Variants in SLC16A12 observed in about 807,000 individuals in gnomAD.
The protein encoded by SLC16A12 is monocarboxylate transporter 12.
A neutral mutation model predicts 42.4 loss-of-function variants in SLC16A12; 17 were observed. The ratio of observed to expected loss-of-function variants is 0.40; its 90% CI spans 0.27 to 0.60. SLC16A12 has a LOEUF of 0.60. SLC16A12 is among the 20% of genes least tolerant of loss of function. The pLI is 0.42. For missense variants in SLC16A12, 544 were observed against 623.0 expected (o/e 0.87, Z 1.35); for synonymous variants, 224 against 229.4 (o/e 0.98, Z 0.21).
At chr10:89,449,820 C>T (rs531823287) in intron 3 of SLC16A12, among the ~76,000 whole-genome samples, 31 of 152,310 alleles carry the variant, frequency 2.0e-4, no homozygotes, top group Non-Finnish European at 1.6e-4. Flanking sequence ...AGTGAACAGG[C>T]AACCTGCAGA....
At chr10:89,501,962 T>C (rs2133823042) in intron 2 of SLC16A12, among the ~76,000 whole-genome samples, 1 of 152,236 alleles carries the variant, frequency 6.6e-6, no homozygotes, top group South Asian at 2.1e-4. Flanking sequence ...AATTCCCCAA[T>C]AAATACCTAT....
intron 2 of SLC16A12, among the ~76,000 whole-genome samples, chr10:89,489,834 GA>G (rs1411820703): frequency 6.6e-6 from 1 of 151,976 alleles, no homozygotes; most frequent in African/African-American, 2.4e-5. Flanking sequence ...CAAATATGAT[GA>G]AAAAAGGTAT....
chr10:89,438,878 C>A lies in SLC16A12; in HGVS notation c.754G>T (p.Val252Leu). 6.2e-7 allele frequency: 1 copy of A among 1,612,606 alleles called. No individual in the cohort carries two copies. Among genetic ancestry groups the A allele is most frequent in the Non-Finnish European group, 8.5e-7 (1 of 1,179,428 alleles). ...CRTQKEDIKR[V>L]SPYSSLTKEW... ...TTGGTCAAAGATGAATAGGGAGACA[C>A]CCGCTTAATGTCTTCTTTCTGAGTT... Residue 252 changes from valine to leucine, a missense_variant, in exon 6 of 8, where the codon GTG (valine) becomes TTG (leucine). Val to Leu is a conservative substitution (Grantham distance 32, BLOSUM62 1). Coordinates refer to ENST00000371790, the MANE Select transcript of SLC16A12 (RefSeq NM_213606.4).
chr10:89,482,236 CAAA>C (rs368466973), intron 2 of SLC16A12, among the ~76,000 whole-genome samples: 2 of 106,520 alleles, frequency 1.9e-5, no homozygotes, highest in Admixed American at 1.0e-4. Context: ...AAGAATACAC[CAAA>C]AAAAAAAAAA....
At chr10:89,439,727 T>C (rs1224842052) in intron 5 of SLC16A12, among the ~76,000 whole-genome samples, 1 of 152,118 alleles carries the variant, frequency 6.6e-6, no homozygotes, top group Non-Finnish European at 1.5e-5. Context: ...TGTGAAAATA[T>C]CTCTTAAGGT....
chr10:89,498,262 G>A (rs1391965651), intron 2 of SLC16A12, among the ~76,000 whole-genome samples: 1 of 152,260 alleles, frequency 6.6e-6, no homozygotes, highest in South Asian at 2.1e-4. Flanking sequence ...AGCCCAGAAG[G>A]TCAAGGCTGT....
chr10:89,529,328 C>A (rs1843503551), intron 2 of SLC16A12, among the ~76,000 whole-genome samples: 4 of 151,690 alleles, frequency 2.6e-5, no homozygotes, highest in Admixed American at 2.6e-4. Flanking sequence ...GTCAAATAAA[C>A]CACAAAATGA....
chr10:89,526,293 T>C (rs554196150), intron 2 of SLC16A12, among the ~76,000 whole-genome samples: 1 of 152,332 alleles, frequency 6.6e-6, no homozygotes, highest in East Asian at 1.9e-4. Context: ...TAGCCCAGCA[T>C]AGCTATTCCC....
At chr10:89,445,944 G>T (rs1001386489) in intron 3 of SLC16A12, among the ~76,000 whole-genome samples, 5 of 152,128 alleles carry the variant, frequency 3.3e-5, no homozygotes, top group African/African-American at 1.2e-4. Context: ...CATGGTATGA[G>T]AACTACGTGA....
chr10:89,502,698 T>C lies in SLC16A12; in HGVS notation c.-47+31803A>G, dbSNP rs148953180. Among the ~76,000 whole-genome samples the C allele has an allele frequency of 2.3e-3, 345 of 152,322 alleles. 1 individual carries two copies. The highest frequency in any genetic ancestry group is 7.9e-3 in the African/African-American group (330 of 41,566). On this transcript the variant is annotated intron_variant, in intron 2 of 7. Transcript: ENST00000371790. The stretch of plus-strand genomic sequence containing the variant: ...TCTTGGCTGCACATGTGTCGGACAC[T>C]GCTAAAGTCAACACCCCTTCCATAA...
chr10:89,543,102 G>A (rs948978918), intron 2 of SLC16A12, among the ~76,000 whole-genome samples: 2 of 152,150 alleles, frequency 1.3e-5, no homozygotes, highest in African/African-American at 2.4e-5. Context: ...CCCTTGAAAG[G>A]CATTTACAAA....
chr10:89,458,557 G>A (rs181167224), intron 3 of SLC16A12, among the ~76,000 whole-genome samples: 38 of 152,210 alleles, frequency 2.5e-4, no homozygotes, highest in Admixed American at 6.5e-4. Flanking sequence ...TTCTACCACC[G>A]GAAGGTATTT....
upstream of SLC16A12, among the ~76,000 whole-genome samples, chr10:89,536,762 T>C (rs1285166642): frequency 6.6e-6 from 1 of 152,158 alleles, no homozygotes; most frequent in Non-Finnish European, 1.5e-5. Flanking sequence ...CGGATCAGAA[T>C]CTGCATTTTT....
Position 89,462,373 on chromosome 10 carries a change from A to G in SLC16A12, c.200+6T>C, listed in dbSNP as rs780206593. ...CTTAATAAGTTAAGAAGAAAATCCTACCTACCTTGTGACTGCCCGTGTGCA... is the reference window on the plus strand; with the variant it reads ...CTTAATAAGTTAAGAAGAAAATCCTGCCTACCTTGTGACTGCCCGTGTGCA... On this transcript the variant is annotated splice_donor_region_variant and intron_variant, in intron 3 of 7. Coordinates refer to ENST00000371790, the MANE Select transcript of SLC16A12 (RefSeq NM_213606.4). The G allele has an allele frequency of 1.9e-6, 3 of 1,613,988 alleles. No homozygotes were observed. The highest frequency in any genetic ancestry group is 2.2e-5 in the East Asian group (1 of 44,878).
At chr10:89,519,190 A>G (rs1218097389) in intron 2 of SLC16A12, among the ~76,000 whole-genome samples, 1 of 152,144 alleles carries the variant, frequency 6.6e-6, no homozygotes, top group African/African-American at 2.4e-5. Flanking sequence ...TGCCACAAAA[A>G]TGGGAACAAA....
At chr10:89,491,970 A>T (rs144052810) in intron 2 of SLC16A12, among the ~76,000 whole-genome samples, 3 of 152,352 alleles carry the variant, frequency 2.0e-5, no homozygotes, top group Non-Finnish European at 2.9e-5. Flanking sequence ...AAAGTATGCA[A>T]GTCATCTCCA....
At chr10:89,502,373 C>A (rs2133823667) in intron 2 of SLC16A12, among the ~76,000 whole-genome samples, 1 of 152,092 alleles carries the variant, frequency 6.6e-6, no homozygotes, top group African/African-American at 2.4e-5. Flanking sequence ...TTGCTTGAAC[C>A]CAGGAGGCAG....
At chr10:89,470,646 A>C (rs1842477256) in intron 2 of SLC16A12, among the ~76,000 whole-genome samples, 1 of 152,146 alleles carries the variant, frequency 6.6e-6, no homozygotes, top group African/African-American at 2.4e-5. Flanking sequence ...ATCATAGTTG[A>C]CCCTTAAGAA....
At chr10:89,451,460 G>C (rs542139207) in intron 3 of SLC16A12, among the ~76,000 whole-genome samples, 4 of 151,962 alleles carry the variant, frequency 2.6e-5, no homozygotes, top group Non-Finnish European at 4.4e-5. Context: ...TGCCCAGGCT[G>C]GAGTGCAATG....
Sources: allele counts gnomAD v4.1 joint callset (sites outside exome capture counted in the v4.1 genomes callset), GRCh38; gene constraint gnomAD v4.1.1; transcripts MANE v1.5; gene names NCBI Gene and HGNC (gene_info 2026-07-23, HGNC 2026-07-21).